The following STXBP5L variants were observed in gnomAD, a reference collection of about 807,000 sequenced individuals.
STXBP5L encodes syntaxin-binding protein 5-like.
Under a neutral mutation model 144.5 loss-of-function variants are expected in STXBP5L, and 65 were observed. The observed-to-expected ratio is 0.45, with a 90% CI of 0.37 to 0.55. STXBP5L has a LOEUF of 0.55. Ranked by LOEUF, STXBP5L falls within the 20% of genes least tolerant of loss-of-function variation. The pLI, the probability that STXBP5L is intolerant of heterozygous loss-of-function variation, is 0.00. For missense variants in STXBP5L, 1,298 were observed against 1,405.5 expected, an observed-to-expected ratio of 0.92 and a Z score of 1.22; for synonymous variants, 505 against 469.6, an observed-to-expected ratio of 1.08 and a Z score of -0.97.
intron 20 of STXBP5L, among the ~76,000 whole-genome samples, chr3:121,374,713 A>G (rs1317530024): frequency 6.6e-6 from 1 of 152,116 alleles, no homozygotes; most frequent in Non-Finnish European, 1.5e-5. Context: ...AGCAGAAGAA[A>G]GAATTTCTGA....
intron 12 of STXBP5L, among the ~76,000 whole-genome samples, chr3:121,235,400 C>T (rs1170960821): frequency 6.6e-6 from 1 of 152,014 alleles, no homozygotes; most frequent in African/African-American, 2.4e-5. Context: ...TTCTTGATTT[C>T]TTTATGTCTA....
At chr3:121,377,127 G>T (rs1484210212) in intron 20 of STXBP5L, among the ~76,000 whole-genome samples, 8 of 152,066 alleles carry the variant, frequency 5.3e-5, no homozygotes, top group Admixed American at 6.5e-5. Context: ...GGAGATTTTG[G>T]GCTGAGACCA....
chr3:120,921,109 C>T (rs938320087), intron 2 of STXBP5L, among the ~76,000 whole-genome samples: 1 of 151,862 alleles, frequency 6.6e-6, no homozygotes, highest in Non-Finnish European at 1.5e-5. Flanking sequence ...GTGTGAGTTC[C>T]CCTCTCTCCA....
intron 5 of STXBP5L, among the ~76,000 whole-genome samples, chr3:121,047,043 G>A (rs1052874954): frequency 1.3e-5 from 2 of 151,922 alleles, no homozygotes; most frequent in African/African-American, 2.4e-5. Context: ...AGAGATTCTG[G>A]TATGTTTTCT....
chr3:121,135,123 T>C (rs2045186553), intron 7 of STXBP5L, among the ~76,000 whole-genome samples: 3 of 152,302 alleles, frequency 2.0e-5, no homozygotes, highest in South Asian at 2.1e-4. Flanking sequence ...TGGTATCTCA[T>C]TGTGGTTTTG....
At chr3:121,336,545 C>T (rs1401173487) in intron 20 of STXBP5L, among the ~76,000 whole-genome samples, 1 of 151,780 alleles carries the variant, frequency 6.6e-6, no homozygotes, top group African/African-American at 2.4e-5. Flanking sequence ...CAAAAAAATC[C>T]ACAAGGAGAT....
At chr3:120,960,529 A>G (rs1443741897) in intron 3 of STXBP5L, among the ~76,000 whole-genome samples, 1 of 152,228 alleles carries the variant, frequency 6.6e-6, no homozygotes, top group East Asian at 1.9e-4. Context: ...TCAATGATAG[A>G]CTGGATTAAG....
chr3:121,411,543 G>C (rs1008560374), intron 23 of STXBP5L, among the ~76,000 whole-genome samples: 1 of 152,062 alleles, frequency 6.6e-6, no homozygotes, highest in African/African-American at 2.4e-5. Flanking sequence ...GTATCCAAAA[G>C]GACATTCTGA....
rs958381398 is a variant in STXBP5L, at chr3:121,218,359, T to C, written c.957-4644T>C. Among the ~76,000 whole-genome samples, 16 of 145,394 alleles carry C rather than the reference T, an allele frequency of 1.1e-4. 1 individual carries two copies. The highest frequency in any genetic ancestry group is 4.2e-4 in the South Asian group (2 of 4,768). On this transcript the variant is annotated intron_variant, in intron 10 of 26. Coordinates refer to ENST00000471454, the MANE Select transcript of STXBP5L (RefSeq NM_001308330.2). ...ATATATAATATACTATATATGCTAG[T>C]ATAATATACTATATAATATATAGTA...
chr3:121,142,950 C>A lies in STXBP5L; in HGVS notation c.670-9527C>A, dbSNP rs78994080. 4.0e-3 allele frequency among the ~76,000 whole-genome samples: 607 copies of A among 151,524 alleles called. 5 individuals are homozygous for A. Among genetic ancestry groups the A allele is most frequent in the African/African-American group, 0.014 (573 of 41,390 alleles). ...ACTGAGAGTTATTATTTGAAAAGAT[C>A]AACAAAATTGACAAACTCAGCTACA... On this transcript the variant is annotated intron_variant, in intron 7 of 26. Transcript: ENST00000471454.
intron 3 of STXBP5L, among the ~76,000 whole-genome samples, chr3:120,989,345 T>C (rs184395685): frequency 2.6e-5 from 4 of 152,316 alleles, no homozygotes; most frequent in Admixed American, 6.5e-5. Flanking sequence ...TGTAAGATGG[T>C]ATCTCGCTGT....
intron 5 of STXBP5L, among the ~76,000 whole-genome samples, chr3:121,089,528 T>C (rs1390046147): frequency 1.7e-3 from 1 of 588 alleles, no homozygotes; most frequent in Non-Finnish European, 3.9e-3. Flanking sequence ...CTTTAAAGAT[T>C]TTTTTTTTCT....
chr3:121,384,070 G>A (rs1431169969), intron 22 of STXBP5L, among the ~76,000 whole-genome samples: 1 of 152,000 alleles, frequency 6.6e-6, no homozygotes, highest in Non-Finnish European at 1.5e-5. Context: ...AGTTTCCTTA[G>A]ACTTGAAAAC....
intron 5 of STXBP5L, among the ~76,000 whole-genome samples, chr3:121,066,362 G>GTGTA (rs2041542880): frequency 1.4e-5 from 2 of 146,174 alleles, no homozygotes; most frequent in Admixed American, 6.8e-5. Flanking sequence ...TCCTATAAGC[G>GTGTA]TATATATATA....
Position 121,240,480 on chromosome 3 carries a change from A to C in STXBP5L, c.1373A>C (p.Gln458Pro), listed in dbSNP as rs1371898567. 2.5e-6 allele frequency: 4 copies of C among 1,613,616 alleles called. No individual in the cohort carries two copies. In the Admixed American group the frequency reaches 6.7e-5, roughly 27 times the overall value. The change falls in exon 14 of 27, where the codon CAA becomes CCA. Residue 458 changes from glutamine (Q) to proline (P), a missense_variant. Gln to Pro is a moderately conservative substitution (Grantham distance 76, BLOSUM62 -1). Transcript: ENST00000471454. ...GGAGGAGCTTGGAACCTTGGAGCACAAACATATCCAGAAATTATTATTACT... is the reference window on the plus strand; with the variant it reads ...GGAGGAGCTTGGAACCTTGGAGCACCAACATATCCAGAAATTATTATTACT... ...ISGGAWNLGAQTYPEIIITGH... is the reference protein window; with the variant it reads ...ISGGAWNLGAPTYPEIIITGH...
At chr3:121,004,365 G>T (rs987300157) in intron 3 of STXBP5L, among the ~76,000 whole-genome samples, 1 of 152,046 alleles carries the variant, frequency 6.6e-6, no homozygotes, top group African/African-American at 2.4e-5. Flanking sequence ...TGTTATTGGT[G>T]TATAAGAATG....
chr3:120,971,109 G>A (rs1466196303), intron 3 of STXBP5L, among the ~76,000 whole-genome samples: 1 of 152,084 alleles, frequency 6.6e-6, no homozygotes, highest in Non-Finnish European at 1.5e-5. Flanking sequence ...CTCTGTAGGG[G>A]GGAGGTTCCA....
Position 120,990,471 on chromosome 3 carries a change from T to C in STXBP5L, c.287+35434T>C, listed in dbSNP as rs992564646. Among the ~76,000 whole-genome samples, 7 of 152,124 alleles carry C rather than the reference T, an allele frequency of 4.6e-5. No individual in the cohort carries two copies. The East Asian group carries it at 7.7e-4, about 17-fold the overall frequency. ...GGAAAAAACTACTTCAAAGTTCATA[T>C]GGAACCAAAAAAGAGCCCACATCGC... On this transcript the variant is annotated intron_variant, in intron 3 of 26. Transcript: ENST00000471454.
Position 121,407,413 on chromosome 3 carries a change from A to G in STXBP5L, c.2758A>G (p.Ile920Val). 6.2e-7 allele frequency: 1 copy of G among 1,613,184 alleles called. No homozygotes were observed. Among genetic ancestry groups the G allele is most frequent in the Non-Finnish European group, 8.5e-7 (1 of 1,179,402 alleles). ...VMNSSSASQE[I>V]GDHQYTIICS... ...GAACTCATCTTCTGCATCCCAAGAA[A>G]TAGGAGATCATCAGTATACAATAAT... The change falls in exon 23 of 27, where the codon ATA becomes GTA. Residue 920 changes from isoleucine (I) to valine (V), a missense_variant. By Grantham distance (29) the Ile-to-Val change is conservative. Coordinates refer to ENST00000471454, the MANE Select transcript of STXBP5L (RefSeq NM_001308330.2).
Sources: allele counts gnomAD v4.1 joint callset (sites outside exome capture counted in the v4.1 genomes callset), GRCh38; gene constraint gnomAD v4.1.1; transcripts MANE v1.5; gene names NCBI Gene and HGNC (gene_info 2026-07-23, HGNC 2026-07-21).